The following SETX variants were observed in gnomAD, a reference collection of about 807,000 sequenced individuals.
SETX encodes the protein helicase senataxin.
SETX carries 90 observed loss-of-function variants against 227.2 expected under a neutral mutation model. That is an observed-to-expected ratio of 0.40 (90% CI 0.33 to 0.47). The LOEUF is 0.47. Among genes scored for constraint, SETX ranks in the 20% least tolerant of loss-of-function variants. The pLI is 0.91. For missense variants in SETX, 3,052 were observed against 3,181.5 expected (o/e 0.96, Z 0.98); for synonymous variants, 1,210 against 1,113.2 (o/e 1.09, Z -1.73).
chr9:132,278,301 A>G (rs760816307), intron 20 of SETX, 44 bp from the exon 21 acceptor site: 14 of 1,591,054 alleles, frequency 8.8e-6, no homozygotes, highest in East Asian at 2.2e-5. Context: ...GAATTCATTT[A>G]TATCTTTCCC....
chr9:132,341,420 C>T (rs1328876099), intron 5 of SETX, among the ~76,000 whole-genome samples: 2 of 152,040 alleles, frequency 1.3e-5, no homozygotes, highest in East Asian at 1.9e-4. Flanking sequence ...CAAGCTCATC[C>T]GACAGGGAGG....
At chr9:132,332,241 A>G (rs1037766126) in intron 7 of SETX, among the ~76,000 whole-genome samples, 4 of 152,212 alleles carry the variant, frequency 2.6e-5, no homozygotes, top group African/African-American at 9.7e-5. Context: ...CACTATCTAC[A>G]GCACAAATAG....
intron 11 of SETX, among the ~76,000 whole-genome samples, chr9:132,302,328 G>A (rs1452607644): frequency 7.8e-6 from 1 of 128,564 alleles, no homozygotes; most frequent in African/African-American, 3.0e-5. Flanking sequence ...CTGCACTCCA[G>A]CCTGGGTGAC....
intron 20 of SETX, among the ~76,000 whole-genome samples, chr9:132,279,992 T>C (rs1843406695): frequency 6.6e-6 from 1 of 152,232 alleles, no homozygotes; most frequent in South Asian, 2.1e-4. Flanking sequence ...TGACTCACTG[T>C]TAACCCCTAG....
At chr9:132,298,343 A>C in intron 12 of SETX, 31 bp from the exon 13 acceptor site, 1 of 1,541,816 alleles carries the variant, frequency 6.5e-7, no homozygotes, top group Non-Finnish European at 9.0e-7. Context: ...AAGCAACTTC[A>C]GTTATCACTG....
chr9:132,320,406 G>A (rs762569082), intron 10 of SETX, among the ~76,000 whole-genome samples: 2 of 151,702 alleles, frequency 1.3e-5, no homozygotes, highest in South Asian at 2.1e-4. Context: ...AAACCCCGTC[G>A]CTACTAAAAA....
At position 132,329,962 on chromosome 9, in the gene SETX, C is replaced by T. The variant is rs770556012; in HGVS notation, c.1636G>A (p.Gly546Ser). 5.6e-6 allele frequency: 9 copies of T among 1,614,160 alleles called. No homozygotes were observed. The highest frequency in any genetic ancestry group is 7.6e-6 in the Non-Finnish European group (9 of 1,180,006). The change falls in exon 10 of 26, where the codon GGT becomes AGT. Residue 546 changes from glycine to serine, a missense_variant. By Grantham distance (56) the Gly-to-Ser change is moderately conservative. Transcript: ENST00000224140. ...VQLIRSLLKE[G>S]YQLGQQSLCK... ...AGAGACTGCTGCCCAAGCTGATAAC[C>T]TTCTTTAAGGAGACTTCTAATCAGC...
Position 132,275,436 on chromosome 9 carries a change from A to G in SETX, c.6936-16T>C. 6.3e-7 allele frequency: 1 copy of G among 1,589,186 alleles called. No homozygotes were observed. The highest frequency in any genetic ancestry group is 8.6e-7 in the Non-Finnish European group (1 of 1,159,914). On this transcript the variant is annotated splice_polypyrimidine_tract_variant and intron_variant, in intron 22 of 25. Coordinates refer to ENST00000224140, the MANE Select transcript of SETX (RefSeq NM_015046.7). Reference sequence around the variant, plus strand: ...TATATATGAGCTAAACAAGATGGAAAAAGAAAACACAGTGTTATCAAAACT... The same window carrying G: ...TATATATGAGCTAAACAAGATGGAAGAAGAAAACACAGTGTTATCAAAACT...
chr9:132,300,542 A>C (rs2131305260), intron 12 of SETX, 88 bp downstream of exon 12: 1 of 1,403,548 alleles, frequency 7.1e-7, no homozygotes, highest in African/African-American at 1.4e-5. Flanking sequence ...AATGTCTATC[A>C]AATACACTTG....
chr9:132,273,164 G>GT (rs143471335), intron 23 of SETX, among the ~76,000 whole-genome samples: 5,712 of 149,392 alleles, frequency 0.038, 329 homozygotes, highest in African/African-American at 0.12. Flanking sequence ...TATTTAGGTG[G>GT]TTTTTTTTTT....
At chr9:132,333,237 G>C (rs2131480221) in intron 7 of SETX, among the ~76,000 whole-genome samples, 1 of 151,298 alleles carries the variant, frequency 6.6e-6, no homozygotes, top group African/African-American at 2.4e-5. Flanking sequence ...AAATTAGCCA[G>C]GTATGGTGGT....
At chr9:132,335,257 G>A (rs957461625) in intron 6 of SETX, among the ~76,000 whole-genome samples, 2 of 151,632 alleles carry the variant, frequency 1.3e-5, no homozygotes, top group African/African-American at 2.4e-5. Context: ...CAGGCGTGGT[G>A]GCAGGCGCCT....
At chr9:132,323,416 A>G (rs1846495074) in intron 10 of SETX, among the ~76,000 whole-genome samples, 1 of 152,258 alleles carries the variant, frequency 6.6e-6, no homozygotes, top group Non-Finnish European at 1.5e-5. Flanking sequence ...GCTTAGCTGA[A>G]GATATCTTTC....
At chr9:132,302,785 A>G (rs1288857097) in intron 11 of SETX, among the ~76,000 whole-genome samples, 1 of 151,982 alleles carries the variant, frequency 6.6e-6, no homozygotes, top group Non-Finnish European at 1.5e-5. Context: ...CAAAACTGAA[A>G]GGCTGACTAT....
In SETX at chr9:132,347,901, C is replaced by T. The variant is rs1158685128; in HGVS notation, c.177+1351G>A. 3.3e-5 allele frequency among the ~76,000 whole-genome samples: 5 copies of T among 152,010 alleles called. No homozygotes were observed. In the East Asian group the frequency reaches 7.7e-4, roughly 23 times the overall value. On this transcript the variant is annotated intron_variant, in intron 3 of 25. Transcript: ENST00000224140. Reference sequence around the variant, plus strand: ...ATACTGTATATATCTCTATGGTCTACGTTCTGTTTTTCATCAATAAATAAA... The same window carrying T: ...ATACTGTATATATCTCTATGGTCTATGTTCTGTTTTTCATCAATAAATAAA...
rs1259967539 is a variant in SETX at position 132,328,024 on chromosome 9, C to G, written c.3574G>C (p.Asp1192His). The change falls in exon 10 of 26, where the codon GAT (aspartate) becomes CAT (histidine). Residue 1192 changes from aspartate (D) to histidine (H), a missense_variant. This residue lies in a region of SETX where 1,483 missense variants were observed against 1,312.0 expected (regional missense o/e 1.13). Coordinates refer to ENST00000224140, the MANE Select transcript of SETX (RefSeq NM_015046.7). ...CTTTTAAAATCATTTCCCACAAGAT[C>G]TCTCTTATTAGTATCAGACTGGCCC... ...NEGQSDTNKR[D>H]LVGNDFKSID... The G allele has an allele frequency of 2.5e-6, 4 of 1,614,004 alleles. No individual in the cohort carries two copies. Among genetic ancestry groups the G allele is most frequent in the African/African-American group, 1.3e-5 (1 of 75,016 alleles).
In SETX at chr9:132,328,337, A is replaced by G. The variant is rs760354631; in HGVS notation, c.3261T>C (p.Ser1087=). Residue 1087 remains serine, a synonymous_variant, in exon 10 of 26, where the codon TCT becomes TCC. Transcript: ENST00000224140. ...DSQCFEFESS[S]EVFSVWQDHP... ...GATCTTGCCAAACTGAAAACACTTC[A>G]GATGAACTTTCAAACTCAAAACACT... 6.2e-7 allele frequency: 1 copy of G among 1,614,106 alleles called. No homozygotes were observed. The highest frequency in any genetic ancestry group is 8.5e-7 in the Non-Finnish European group (1 of 1,180,024).
Position 132,263,306 on chromosome 9 carries a change from G to C in SETX, c.*933C>G, listed in dbSNP as rs1249350287. The C allele has an allele frequency of 6.6e-6, 1 of 152,180 alleles. No individual in the cohort carries two copies. Among genetic ancestry groups the C allele is most frequent in the Admixed American group, 6.5e-5 (1 of 15,280 alleles). 9.4% of individuals were successfully genotyped at this position (152,180 alleles called of 1,614,324 possible). On this transcript the variant is annotated 3_prime_UTR_variant, in exon 26 of 26. Coordinates refer to ENST00000224140, the MANE Select transcript of SETX (RefSeq NM_015046.7). Reference sequence around the variant, plus strand: ...AACACACAGCTTCCCAGGCTTTCTGGAAAACTAGTTAGATCTGTCTGACAA... The same window carrying C: ...AACACACAGCTTCCCAGGCTTTCTGCAAAACTAGTTAGATCTGTCTGACAA...
chr9:132,269,549 A>AT, intron 25 of SETX, 66 bp downstream of exon 25: 1 of 1,610,762 alleles, frequency 6.2e-7, no homozygotes. Context: ...TTGATGGAAA[A>AT]TAAGAACAAA....
Sources: allele counts gnomAD v4.1 joint callset (sites outside exome capture counted in the v4.1 genomes callset), GRCh38; gene constraint gnomAD v4.1.1; regional missense constraint gnomAD v4.1.1; transcripts MANE v1.5; gene names NCBI Gene and HGNC (gene_info 2026-07-23, HGNC 2026-07-21).